Variants in SMARCA4 observed in about 807,000 individuals in gnomAD.
SMARCA4 encodes SWI/SNF related BAF chromatin remodeling complex subunit ATPase 4.
In SMARCA4, 31 loss-of-function variants were observed where a neutral mutation model predicts 193.9. That is an observed-to-expected ratio of 0.16 (90% CI 0.12 to 0.22). SMARCA4 has a LOEUF of 0.22. SMARCA4 is among the 10% of genes least tolerant of loss of function. The probability of loss-of-function intolerance (pLI) is 1.00; values close to 1 mark genes in which losing one functional copy is unlikely to be tolerated. For missense variants in SMARCA4, 1,148 were observed against 2,296.0 expected (o/e 0.50, Z 10.22); for synonymous variants, 942 against 933.1 (o/e 1.01, Z -0.17).
chr19:11,005,900 A>G (rs536693949), intron 13 of SMARCA4, among the ~76,000 whole-genome samples: 56 of 152,310 alleles, frequency 3.7e-4, no homozygotes, highest in Non-Finnish European at 6.3e-4. Flanking sequence ...GTCCGGCTTT[A>G]TAGTTGCTTT....
intron 34 of SMARCA4, among the ~76,000 whole-genome samples, chr19:11,061,200 AAAAAATAT>A (rs1198488540): frequency 1.6e-4 from 11 of 70,516 alleles, no homozygotes; most frequent in South Asian, 1.3e-3. Context: ...AAAAAAAAAA[AAAAAATAT>A]ATATATATAT....
rs374849977 is a variant in SMARCA4, at chr19:10,984,105, C to T, written c.-31-16C>T. 6 of 1,612,108 alleles carry T rather than the reference C, an allele frequency of 3.7e-6. No homozygotes were observed. Among genetic ancestry groups the T allele is most frequent in the East Asian group, 2.2e-5 (1 of 44,874 alleles). ...CCTTGGTCATGAACCCCAGACTGAC[C>T]AGGACTGTCTTCCAGCAGGAGGCCA... On this transcript the variant is annotated splice_polypyrimidine_tract_variant and intron_variant, in intron 1 of 34. Coordinates refer to ENST00000344626, the MANE Select transcript of SMARCA4 (RefSeq NM_003072.5). This position sits in a 1 kb window ranked among gnomAD's most constrained non-coding sequence, Gnocchi z 4.3.
intron 34 of SMARCA4, 78 bp downstream of exon 34, chr19:11,060,265 G>C: frequency 6.6e-7 from 1 of 1,515,900 alleles, no homozygotes; most frequent in Non-Finnish European, 9.0e-7. Flanking sequence ...CAGCCCTGTG[G>C]GGCGGTGCTC....
chr19:10,981,910 C>T (rs955198561), intron 1 of SMARCA4, among the ~76,000 whole-genome samples: 3 of 152,098 alleles, frequency 2.0e-5, no homozygotes, highest in African/African-American at 7.2e-5. Flanking sequence ...ACGGCTTGAG[C>T]CCCCGAGGTC....
At chr19:10,992,274 G>T in intron 8 of SMARCA4, among the ~76,000 whole-genome samples, 1 of 150,982 alleles carries the variant, frequency 6.6e-6, no homozygotes. Context: ...ACCATGCCTG[G>T]CTAACTTTTT....
rs76557781 is a variant in SMARCA4, at chr19:10,987,146, C to T, written c.859+143C>T. 20,744 of 687,950 alleles carry T rather than the reference C, an allele frequency of 0.03. 441 individuals carry two copies. The highest frequency in any genetic ancestry group is 0.04 in the Non-Finnish European group (15,323 of 381,330). 42.6% of individuals were successfully genotyped at this position (687,950 alleles called of 1,614,324 possible). The stretch of plus-strand genomic sequence containing the variant: ...CCTGTACTTTTCTTGTGGTGGTCCC[C>T]GGGTCTCCCCTGTAGCCAGTCAGTT... On this transcript the variant is annotated intron_variant, in intron 5 of 34. Coordinates refer to ENST00000344626, the MANE Select transcript of SMARCA4 (RefSeq NM_003072.5). This position sits in a 1 kb window ranked among gnomAD's most constrained non-coding sequence, Gnocchi z 5.3.
At chr19:11,016,804 C>T (rs932390253) in intron 16 of SMARCA4, among the ~76,000 whole-genome samples, 8 of 152,160 alleles carry the variant, frequency 5.3e-5, no homozygotes, top group Admixed American at 2.0e-4. Flanking sequence ...TCCTTTGACA[C>T]GCCCCCAGCA....
Position 11,027,844 on chromosome 19 carries a change from C to T in SMARCA4, c.3276C>T (p.Leu1092=), listed in dbSNP as rs536795031. ...TTCTTGATAGAATTCTTCCCAAACT[C>T]CGAGCAACCAACCACAAAGTGCTGC... is the stretch of plus-strand genomic sequence containing the variant. The part of the protein sequence containing the change: ...FELLDRILPK[L]RATNHKVLLF... The change falls in exon 24 of 35, where the codon CTC becomes CTT. Residue 1092 remains leucine (L), a synonymous_variant. Transcript: ENST00000344626. 6.2e-7 allele frequency: 1 copy of T among 1,614,162 alleles called. No individual in the cohort carries two copies. Among genetic ancestry groups the T allele is most frequent in the Non-Finnish European group, 8.5e-7 (1 of 1,180,040 alleles).
intron 1 of SMARCA4, among the ~76,000 whole-genome samples, chr19:10,982,990 C>T (rs1303286139): frequency 6.6e-6 from 1 of 152,136 alleles, no homozygotes; most frequent in Non-Finnish European, 1.5e-5. Context: ...CCCAGGGTGT[C>T]AGAGCCAGGA....
chr19:11,056,610 A>G (rs376146666), intron 30 of SMARCA4, among the ~76,000 whole-genome samples: 100 of 152,160 alleles, frequency 6.6e-4, no homozygotes, highest in African/African-American at 2.4e-3. Context: ...TAGTGTGTGT[A>G]AAGTGTGGCT....
At chr19:11,015,024 AG>A (rs2089224500) in intron 16 of SMARCA4, among the ~76,000 whole-genome samples, 1 of 152,096 alleles carries the variant, frequency 6.6e-6, no homozygotes, top group African/African-American at 2.4e-5. Context: ...CATGTTGGCT[AG>A]GCTGGTCTTG....
chr19:11,014,136 A>G (rs1238845016), intron 16 of SMARCA4, among the ~76,000 whole-genome samples: 1 of 152,160 alleles, frequency 6.6e-6, no homozygotes, highest in Non-Finnish European at 1.5e-5. Flanking sequence ...CACAGCCCCT[A>G]ACTCCAACCA....
At chr19:10,976,585 A>C (rs2145611950) in intron 1 of SMARCA4, among the ~76,000 whole-genome samples, 1 of 145,438 alleles carries the variant, frequency 6.9e-6, no homozygotes, top group African/African-American at 2.6e-5. Flanking sequence ...GCGAGACCTC[A>C]TTTCTATAAA....
At chr19:11,051,626 G>A (rs891645966) in intron 30 of SMARCA4, among the ~76,000 whole-genome samples, 2 of 151,916 alleles carry the variant, frequency 1.3e-5, no homozygotes, top group Non-Finnish European at 2.9e-5. Context: ...GAGTAGCTGG[G>A]ACTACAGGCA....
In SMARCA4 at chr19:10,984,284, C is replaced by A. The variant is rs2145724235; in HGVS notation, c.133C>A (p.Pro45Thr). The A allele has an allele frequency of 1.2e-6, 2 of 1,610,078 alleles. No homozygotes were observed. Among genetic ancestry groups the A allele is most frequent in the Non-Finnish European group, 1.7e-6 (2 of 1,178,654 alleles). Reference protein sequence around the residue: ...SPGSAHSMMGPSPGPPSAGHP... With the variant: ...SPGSAHSMMGTSPGPPSAGHP... ...GGGCTCCGCCCACAGCATGATGGGG[C>A]CCAGCCCAGGGCCGCCCTCAGCAGG... Residue 45 changes from proline (P) to threonine (T), a missense_variant, in exon 2 of 35, where the codon CCC becomes ACC. This residue lies in a region of SMARCA4 where 201 missense variants were observed against 248.3 expected (regional missense o/e 0.81). Transcript: ENST00000344626. This position sits in a 1 kb window ranked among gnomAD's most constrained non-coding sequence, Gnocchi z 4.3.
At chr19:10,979,391 A>G (rs1348612099) in intron 1 of SMARCA4, among the ~76,000 whole-genome samples, 2 of 151,328 alleles carry the variant, frequency 1.3e-5, no homozygotes, top group Non-Finnish European at 2.9e-5. Context: ...TCTCCCAGAC[A>G]TGGTGACCCT....
intron 30 of SMARCA4, among the ~76,000 whole-genome samples, chr19:11,045,008 G>A (rs1168725525): frequency 6.6e-6 from 1 of 152,184 alleles, no homozygotes; most frequent in Non-Finnish European, 1.5e-5. Flanking sequence ...TTTGTTGAGT[G>A]AAAGAAGCCA....
At position 11,019,179 on chromosome 19, in the gene SMARCA4, T is replaced by A. The variant is rs2089639127; in HGVS notation, c.2505+156T>A. On this transcript the variant is annotated intron_variant, in intron 17 of 34. Transcript: ENST00000344626. The surrounding 1 kb of genome is among the most constrained non-coding windows in gnomAD (Gnocchi z 6.1). Reference sequence around the variant, plus strand: ...CAGCCTGGAACTCCAGTCACATGGATCCGGGAGTTTGGACTGGGCAGGGAC... The same window carrying A: ...CAGCCTGGAACTCCAGTCACATGGAACCGGGAGTTTGGACTGGGCAGGGAC... 1.3e-5 allele frequency: 9 copies of A among 714,462 alleles called. No homozygotes were observed. Among genetic ancestry groups the A allele is most frequent in the Non-Finnish European group, 2.3e-5 (9 of 393,210 alleles). The allele number at this position is 714,462 out of a possible 1,614,324, so 44.3% of individuals were successfully genotyped here.
At chr19:11,009,612 C>T (rs60940607) in intron 14 of SMARCA4, among the ~76,000 whole-genome samples, 1,912 of 151,350 alleles carry the variant, frequency 0.013, 43 homozygotes, top group African/African-American at 0.043. Flanking sequence ...CCTCTGCCTC[C>T]GGGCTTAAGT....
Sources: gnomAD v4.1 joint callset for allele counts (sites outside exome capture counted in the v4.1 genomes callset) on GRCh38, gnomAD v4.1.1 for gene constraint, gnomAD v4.1.1 regional missense constraint, Gnocchi (gnomAD v3.1) non-coding constraint, MANE v1.5 for transcripts, NCBI Gene and HGNC (gene_info 2026-07-23, HGNC 2026-07-21) for gene names.